SV2C: variants seen among roughly 807,000 people sequenced by gnomAD.
The protein encoded by SV2C is synaptic vesicle glycoprotein 2C, also known as solute carrier family 22 member B3.
Under a neutral mutation model 79.7 loss-of-function variants are expected in SV2C, and 49 were observed. The observed-to-expected ratio is 0.61, with a 90% confidence interval of 0.49 to 0.78. The LOEUF is 0.78. Ranked by LOEUF, SV2C falls within the 30% of genes least tolerant of loss-of-function variation. The probability of loss-of-function intolerance (pLI) is 0.00; values close to 1 mark genes in which losing one functional copy is unlikely to be tolerated. For missense variants in SV2C, 833 were observed against 912.9 expected, an observed-to-expected ratio of 0.91 and a Z score of 1.13; for synonymous variants, 334 against 333.2, an observed-to-expected ratio of 1.00 and a Z score of -0.03.
chr5:76,334,104 G>C (rs909594085), downstream of SV2C: 2 of 152,176 alleles, frequency 1.3e-5, no homozygotes, highest in Non-Finnish European at 2.9e-5. Context: ...CATGGGTATT[G>C]ATGTGTTGTT....
chr5:76,212,067 T>A (rs1488021559), intron 4 of SV2C, among the ~76,000 whole-genome samples: 2 of 152,036 alleles, frequency 1.3e-5, no homozygotes, highest in African/African-American at 2.4e-5. Context: ...CCATGAGACT[T>A]GTCTTCTGCC....
intron 2 of SV2C, among the ~76,000 whole-genome samples, chr5:76,168,979 G>A (rs139019226): frequency 2.0e-5 from 3 of 152,268 alleles, no homozygotes; most frequent in African/African-American, 7.2e-5. Context: ...ACTCTAGTGG[G>A]CCTCCCCTAT....
At chr5:76,059,801 C>T in the SV2C span, among the ~76,000 whole-genome samples, 89 of 152,102 alleles carry the variant, frequency 5.9e-4, no homozygotes, top group African/African-American at 1.9e-3. Context: ...TTTACTTTGC[C>T]CAGAACTCTC....
chr5:76,274,099 C>T (rs907052388), intron 4 of SV2C, among the ~76,000 whole-genome samples: 3 of 152,172 alleles, frequency 2.0e-5, no homozygotes, highest in Admixed American at 1.3e-4. Context: ...AATTAACATT[C>T]GTTTAGTTCA....
chr5:75,849,914 T>A, the SV2C span, among the ~76,000 whole-genome samples: 150 of 152,276 alleles, frequency 9.9e-4, no homozygotes, highest in Middle Eastern at 3.4e-3. Flanking sequence ...TTCTTTTTTT[T>A]AAAATAAGAA....
chr5:75,959,869 T>C, the SV2C span, among the ~76,000 whole-genome samples: 1 of 152,126 alleles, frequency 6.6e-6, no homozygotes, highest in South Asian at 2.1e-4. Context: ...TGAGAAAGTA[T>C]ACTAAAAATC....
Position 76,329,333 on chromosome 5 carries a change from A to G in SV2C, c.*3786A>G, listed in dbSNP as rs1336273164. 6.6e-6 allele frequency: 1 copy of G among 152,192 alleles called. No individual in the cohort carries two copies. The highest frequency in any genetic ancestry group is 1.5e-5 in the Non-Finnish European group (1 of 68,048). 9.4% of individuals were successfully genotyped at this position (152,192 alleles called of 1,614,324 possible). A position where few individuals can be genotyped will look rare whatever the true frequency, so the allele number is the denominator to read the frequency against. ...CTTAGGTTAGAAGACTATAATTGCA[A>G]TATTACCCTACAGCTCTCCTGACTG... On this transcript the variant is annotated 3_prime_UTR_variant, in exon 13 of 13. Transcript: ENST00000502798.
the SV2C span, among the ~76,000 whole-genome samples, chr5:76,027,092 G>A: frequency 1.0e-3 from 128 of 124,340 alleles, 1 homozygote; most frequent in African/African-American, 3.9e-3. Context: ...ACGGAGTTTC[G>A]CTCTTGTTGC....
the SV2C span, among the ~76,000 whole-genome samples, chr5:76,068,519 T>TTTGTATTATCA: frequency 6.6e-6 from 1 of 152,154 alleles, no homozygotes; most frequent in Non-Finnish European, 1.5e-5. Flanking sequence ...CATGTGTGTG[T>TTTGTATTATCA]TTGTATTATC....
chr5:75,888,344 A>T, the SV2C span, among the ~76,000 whole-genome samples: 38 of 150,264 alleles, frequency 2.5e-4, no homozygotes, highest in East Asian at 3.9e-3. Context: ...AAAAAAAAAA[A>T]TTTTTTTTTT....
chr5:76,165,825 C>T (rs1021725184), intron 2 of SV2C, among the ~76,000 whole-genome samples: 2 of 152,074 alleles, frequency 1.3e-5, no homozygotes, highest in Non-Finnish European at 2.9e-5. Context: ...TCAAACAAGG[C>T]AAGGTTGGGG....
chr5:76,156,410 C>T (rs35411065), intron 2 of SV2C, among the ~76,000 whole-genome samples: 16,164 of 152,028 alleles, frequency 0.11, 971 homozygotes, highest in Non-Finnish European at 0.13. Context: ...ATAGCAATCC[C>T]TGGAGAGAGG....
intron 12 of SV2C, among the ~76,000 whole-genome samples, chr5:76,310,936 C>A (rs2112543141): frequency 6.6e-6 from 1 of 152,310 alleles, no homozygotes; most frequent in South Asian, 2.1e-4. Flanking sequence ...AGCCTGGAAG[C>A]AAGTGGTCAA....
chr5:76,291,624 A>G lies in SV2C; in HGVS notation c.1249-144A>G, dbSNP rs528844621. 32 of 649,146 alleles carry G rather than the reference A, an allele frequency of 4.9e-5. No individual in the cohort carries two copies. In the African/African-American group the frequency reaches 5.4e-4, roughly 11 times the overall value. The allele number at this position is 649,146 out of a possible 1,614,324, so 40.2% of individuals were successfully genotyped here. A position where few individuals can be genotyped will look rare whatever the true frequency, so the allele number is the denominator to read the frequency against. ...CAGGAAGCTGAAGAATGAAAATTCC[A>G]ATTACCTTTAACTTTTACATTTTAA... On this transcript the variant is annotated intron_variant, in intron 7 of 12. Coordinates refer to ENST00000502798, the MANE Select transcript of SV2C (RefSeq NM_014979.4).
At position 76,104,545 on chromosome 5, in the gene SV2C, T is replaced by G. The variant is rs191419251; in HGVS notation, c.-102+21033T>G. ...GACTACAGGTGTGTGCCACTGTGCCTGGCTGCAAAAACGTTTCTTCAATAG... is the reference window on the plus strand; with the variant it reads ...GACTACAGGTGTGTGCCACTGTGCCGGGCTGCAAAAACGTTTCTTCAATAG... On this transcript the variant is annotated intron_variant, in intron 1 of 12. Coordinates refer to ENST00000502798, the MANE Select transcript of SV2C (RefSeq NM_014979.4). Among the ~76,000 whole-genome samples the G allele has an allele frequency of 5.1e-3, 771 of 152,328 alleles. 1 individual carries two copies. The highest frequency in any genetic ancestry group is 9.2e-3 in the Non-Finnish European group (626 of 68,030).
chr5:75,996,690 G>A, the SV2C span, among the ~76,000 whole-genome samples: 1 of 151,990 alleles, frequency 6.6e-6, no homozygotes, highest in African/African-American at 2.4e-5. Flanking sequence ...TCCTTGAAGA[G>A]GGCCTTCACA....
At chr5:76,042,637 T>A in the SV2C span, among the ~76,000 whole-genome samples, 1 of 152,298 alleles carries the variant, frequency 6.6e-6, no homozygotes, top group South Asian at 2.1e-4. Context: ...TTTTCATACA[T>A]CCCTGCAAGT....
chr5:76,157,386 C>T (rs1309569910), intron 2 of SV2C, among the ~76,000 whole-genome samples: 1 of 151,922 alleles, frequency 6.6e-6, no homozygotes, highest in Non-Finnish European at 1.5e-5. Context: ...TTGTTTCTAA[C>T]AGATCTGCCT....
At chr5:76,285,413 A>G in intron 5 of SV2C, 118 bp downstream of exon 5, 2 of 1,421,184 alleles carry the variant, frequency 1.4e-6, no homozygotes, top group South Asian at 2.8e-5. Flanking sequence ...CCTATTATAG[A>G]ATGATGGAGG....
Sources: allele counts gnomAD v4.1 joint callset (sites outside exome capture counted in the v4.1 genomes callset), GRCh38; gene constraint gnomAD v4.1.1; transcripts MANE v1.5; gene names NCBI Gene and HGNC (gene_info 2026-07-23, HGNC 2026-07-21).